The following GSE1 variants were observed in gnomAD, a reference collection of about 807,000 sequenced individuals.
GSE1 encodes the protein Gse1 coiled-coil protein, also known as genetic suppressor element 1.
GSE1 carries 32 observed loss-of-function variants against 112.6 expected under a neutral mutation model. That is an observed-to-expected ratio of 0.28 (90% confidence interval 0.21 to 0.38). The LOEUF is 0.38. Among genes scored for constraint, GSE1 ranks in the 10% least tolerant of loss-of-function variants. The probability of loss-of-function intolerance (pLI) is 1.00; values close to 1 mark genes in which losing one functional copy is unlikely to be tolerated. For synonymous variants in GSE1, 1,115 were observed against 735.6 expected, an observed-to-expected ratio of 1.52 and a Z score of -8.35; for missense variants, 2,348 against 1,699.2, an observed-to-expected ratio of 1.38 and a Z score of -6.71.
intron 2 of GSE1, among the ~76,000 whole-genome samples, chr16:85,462,281 G>T (rs918092070): frequency 5.3e-5 from 8 of 152,090 alleles, no homozygotes; most frequent in Non-Finnish European, 4.4e-5. Context: ...GGTTAGAAGC[G>T]ATGTCAGGTC....
chr16:85,618,503 C>T (rs774768215), intron 1 of GSE1, among the ~76,000 whole-genome samples: 1 of 152,212 alleles, frequency 6.6e-6, no homozygotes, highest in Non-Finnish European at 1.5e-5. Flanking sequence ...TGTGTGACCT[C>T]AGGCACTTGT....
At chr16:85,469,376 C>A (rs2050218048) in intron 2 of GSE1, among the ~76,000 whole-genome samples, 1 of 152,112 alleles carries the variant, frequency 6.6e-6, no homozygotes, top group African/African-American at 2.4e-5. Context: ...AGTGGTGTGG[C>A]CACAAGCCAG....
intron 1 of GSE1, among the ~76,000 whole-genome samples, chr16:85,239,458 G>C (rs1047945057): frequency 6.6e-6 from 1 of 152,214 alleles, no homozygotes; most frequent in East Asian, 1.9e-4. Flanking sequence ...TGCTTCAAGA[G>C]CTCTGAGAAG....
At chr16:85,544,952 A>G (rs902461987) in intron 2 of GSE1, among the ~76,000 whole-genome samples, 1 of 152,238 alleles carries the variant, frequency 6.6e-6, no homozygotes, top group African/African-American at 2.4e-5. Flanking sequence ...TGTGTGAGCC[A>G]CTGGTTCAGG....
intron 1 of GSE1, among the ~76,000 whole-genome samples, chr16:85,329,313 A>G (rs2046290903): frequency 1.3e-5 from 2 of 152,060 alleles, no homozygotes; most frequent in African/African-American, 4.8e-5. Context: ...GGACCTTCGG[A>G]GCACCCGTGT....
At chr16:85,651,514 G>C (rs733324) in intron 3 of GSE1, among the ~76,000 whole-genome samples, 1 of 152,116 alleles carries the variant, frequency 6.6e-6, no homozygotes, top group Admixed American at 6.5e-5. Context: ...TTCAAGGGCC[G>C]TGTCTGGGCT....
intron 2 of GSE1, among the ~76,000 whole-genome samples, chr16:85,444,627 C>G (rs576594663): frequency 1.4e-3 from 219 of 152,172 alleles, no homozygotes; most frequent in African/African-American, 4.8e-3. Flanking sequence ...GGACCTCTGC[C>G]GTCTGCTTGG....
intron 2 of GSE1, among the ~76,000 whole-genome samples, chr16:85,439,756 C>T (rs1227580753): frequency 6.6e-6 from 1 of 152,152 alleles, no homozygotes; most frequent in African/African-American, 2.4e-5. Flanking sequence ...TGCATGCACA[C>T]ACACAGACAC....
rs537265806 is a variant in GSE1, at chr16:85,509,115, C to G, written c.2465-124799C>G. Reference sequence around the variant, plus strand: ...CGCTCACCTGGTGAGGGGCGAGACACGGACAAAGGCTGGAAGGCCGGGCAG... The same window carrying G: ...CGCTCACCTGGTGAGGGGCGAGACAGGGACAAAGGCTGGAAGGCCGGGCAG... On this transcript the variant is annotated intron_variant, in intron 2 of 2. Transcript: ENST00000637419. 5.1e-4 allele frequency among the ~76,000 whole-genome samples: 78 copies of G among 152,306 alleles called. 1 individual carries two copies. The highest frequency in any genetic ancestry group is 5.1e-3 in the Admixed American group (78 of 15,304).
chr16:85,470,502 A>G (rs1309456436), intron 2 of GSE1, among the ~76,000 whole-genome samples: 4 of 152,072 alleles, frequency 2.6e-5, no homozygotes, highest in Admixed American at 6.5e-5. Context: ...GGGATGCTCT[A>G]TGTGTGGCTT....
rs1195798710 is a variant in GSE1, at chr16:85,661,768, C to A, written c.2260+3C>A. ...GCGGCGGGAGGCCCAGGAGAAAGGT[C>A]TGCCTCCCCGCGGGCCCCGAGCTGC... On this transcript the variant is annotated splice_donor_region_variant and intron_variant, in intron 9 of 15. Coordinates refer to ENST00000253458, the MANE Select transcript of GSE1 (RefSeq NM_014615.5). 6.6e-7 allele frequency: 1 copy of A among 1,508,730 alleles called. No homozygotes were observed. The highest frequency in any genetic ancestry group is 8.9e-7 in the Non-Finnish European group (1 of 1,124,448). The allele number at this position is 1,508,730 out of a possible 1,614,324, so 93.5% of individuals were successfully genotyped here. A position where few individuals can be genotyped will look rare whatever the true frequency, so the allele number is the denominator to read the frequency against.
At chr16:85,482,225 C>T (rs929702562) in intron 2 of GSE1, among the ~76,000 whole-genome samples, 1 of 152,018 alleles carries the variant, frequency 6.6e-6, no homozygotes, top group South Asian at 2.1e-4. Flanking sequence ...GGGTGAGGGT[C>T]CAGCTCCAGG....
At chr16:85,305,617 T>C (rs2045657575) in intron 1 of GSE1, among the ~76,000 whole-genome samples, 1 of 151,934 alleles carries the variant, frequency 6.6e-6, no homozygotes, top group Non-Finnish European at 1.5e-5. Flanking sequence ...AGTAGCTGGG[T>C]AATTACAGGC....
intron 2 of GSE1, among the ~76,000 whole-genome samples, chr16:85,468,778 A>G (rs2050198517): frequency 6.6e-6 from 1 of 152,226 alleles, no homozygotes; most frequent in African/African-American, 2.4e-5. Flanking sequence ...GTCTAAGAGT[A>G]TGAGCTGGAA....
intron 1 of GSE1, among the ~76,000 whole-genome samples, chr16:85,605,086 G>C (rs1484828393): frequency 6.6e-6 from 1 of 151,094 alleles, no homozygotes; most frequent in South Asian, 2.1e-4. Flanking sequence ...CAAAGTGTTG[G>C]GATTACAGAT....
intron 1 of GSE1, among the ~76,000 whole-genome samples, chr16:85,354,672 C>G (rs2046915127): frequency 6.6e-6 from 1 of 152,258 alleles, no homozygotes; most frequent in Admixed American, 6.5e-5. Context: ...CCCCTCCAGC[C>G]CATCCCCTGG....
At chr16:85,184,748 A>G (rs1192367102) in intron 1 of GSE1, among the ~76,000 whole-genome samples, 1 of 152,188 alleles carries the variant, frequency 6.6e-6, no homozygotes, top group Non-Finnish European at 1.5e-5. Context: ...CTTAATTTCC[A>G]AACATTGGAC....
chr16:85,176,445 A>G (rs1025413608), intron 1 of GSE1, among the ~76,000 whole-genome samples: 3 of 152,308 alleles, frequency 2.0e-5, no homozygotes, highest in African/African-American at 7.2e-5. Context: ...TTCTTTGCTT[A>G]CTGAGCAGTG....
At position 85,469,202 on chromosome 16, in the gene GSE1, G is replaced by A. The variant is rs1287531802; in HGVS notation, c.2464+111559G>A. 2.6e-5 allele frequency among the ~76,000 whole-genome samples: 4 copies of A among 152,148 alleles called. No homozygotes were observed. In the East Asian group the frequency reaches 7.7e-4, roughly 29 times the overall value. On this transcript the variant is annotated intron_variant, in intron 2 of 2. Coordinates refer to the GSE1 transcript ENST00000637419. The stretch of plus-strand genomic sequence containing the variant: ...ACCTGGGATGTGGAGGTTGCAGTGA[G>A]CCGAGATCGTGCCATTGCACTGCAG...
Sources: allele counts gnomAD v4.1 joint callset (sites outside exome capture counted in the v4.1 genomes callset), GRCh38; gene constraint gnomAD v4.1.1; transcripts MANE v1.5; gene names NCBI Gene and HGNC (gene_info 2026-07-23, HGNC 2026-07-21).